Variants in LGI1 observed in about 807,000 individuals in gnomAD.
LGI1 encodes the protein leucine rich glioma inactivated 1.
Under a neutral mutation model 57.7 loss-of-function variants are expected in LGI1, and 11 were observed. That is an observed-to-expected ratio of 0.19 (90% CI 0.12 to 0.32). LGI1 has a LOEUF of 0.32. Among genes scored for constraint, LGI1 ranks in the 10% least tolerant of loss-of-function variants. LGI1 has a pLI of 1.00. For synonymous variants in LGI1, 222 were observed against 241.9 expected (o/e 0.92, Z 0.76); for missense variants, 422 against 661.9 (o/e 0.64, Z 3.98).
chr10:93,783,720 G>A (rs2059870265), intron 4 of LGI1, among the ~76,000 whole-genome samples: 2 of 152,178 alleles, frequency 1.3e-5, no homozygotes, highest in South Asian at 4.1e-4. Flanking sequence ...TCATTTAAAA[G>A]TATCTATTAG....
chr10:93,784,845 T>G, intron 4 of LGI1, among the ~76,000 whole-genome samples: 1 of 152,116 alleles, frequency 6.6e-6, no homozygotes, highest in Non-Finnish European at 1.5e-5. Context: ...CATGACACTC[T>G]AGAGGAAAGA....
Position 93,790,081 on chromosome 10 carries a change from T to TC in LGI1, c.432-18_432-17insC, listed in dbSNP as rs2059923069. 1 of 1,505,176 alleles carries TC rather than the reference T, an allele frequency of 6.6e-7. No individual in the cohort carries two copies. Among genetic ancestry groups the TC allele is most frequent in the Non-Finnish European group, 9.0e-7 (1 of 1,110,340 alleles). 93.2% of individuals were successfully genotyped at this position (1,505,176 alleles called of 1,614,324 possible). A position where few individuals can be genotyped will look rare whatever the true frequency, so the allele number is the denominator to read the frequency against. Reference sequence around the variant, plus strand: ...TTTATCACTACAGTTTACATCACCTTTTTTTTTTTTTTTCCAGGAGCCTTG... The same window carrying TC: ...TTTATCACTACAGTTTACATCACCTTCTTTTTTTTTTTTTCCAGGAGCCTTG... On this transcript the variant is annotated splice_polypyrimidine_tract_variant and intron_variant, in intron 4 of 7. Transcript: ENST00000371418.
At chr10:93,775,736 A>T (rs1443761297) in intron 2 of LGI1, among the ~76,000 whole-genome samples, 1 of 152,128 alleles carries the variant, frequency 6.6e-6, no homozygotes, top group East Asian at 1.9e-4. Context: ...CCTGCATCTG[A>T]TTTAACATAA....
At chr10:93,768,597 T>C (rs553472667) in intron 2 of LGI1, 3 of 152,096 alleles carry the variant, frequency 2.0e-5, no homozygotes, top group Non-Finnish European at 4.4e-5. Context: ...AGGAAGAGTT[T>C]CCACTGCTCT....
Position 93,777,613 on chromosome 10 carries a change from C to T in LGI1, c.427C>T (p.His143Tyr). Reference sequence around the variant, plus strand: ...TTTCCGGGGACTAAAGTCATTAATTCACTTGTAAGTATGAATGTTGCTATT... The same window carrying T: ...TTTCCGGGGACTAAAGTCATTAATTTACTTGTAAGTATGAATGTTGCTATT... ...HTFRGLKSLI[H>Y]LSLANNNLQT... is the part of the protein sequence containing the mutation. Residue 143 changes from histidine to tyrosine, a missense_variant, in exon 4 of 8, where the codon CAC becomes TAC. His to Tyr is a moderately conservative substitution (Grantham distance 83, BLOSUM62 2). Around this residue, in one of 3 missense-constraint regions of LGI1, gnomAD observed 63 missense variants for 138.4 expected, o/e 0.46. Coordinates refer to ENST00000371418, the MANE Select transcript of LGI1 (RefSeq NM_005097.4). 1 of 1,610,268 alleles carries T rather than the reference C, an allele frequency of 6.2e-7. No individual in the cohort carries two copies.
At chr10:93,772,631 A>T (rs2059752067) in intron 2 of LGI1, 1 of 152,192 alleles carries the variant, frequency 6.6e-6, no homozygotes, top group Non-Finnish European at 1.5e-5. Flanking sequence ...TTATAAATAC[A>T]TATGTGTATA....
chr10:93,762,218 C>A (rs867297159), intron 2 of LGI1, among the ~76,000 whole-genome samples: 1 of 152,174 alleles, frequency 6.6e-6, no homozygotes, highest in Admixed American at 6.5e-5. Flanking sequence ...GAAAAAATTT[C>A]TTAGTATTCC....
chr10:93,758,969 A>G lies in LGI1; in HGVS notation c.287+138A>G. 1.4e-6 allele frequency: 1 copy of G among 728,470 alleles called. No individual in the cohort carries two copies. The highest frequency in any genetic ancestry group is 1.6e-5 in the South Asian group (1 of 61,526). 45.1% of individuals were successfully genotyped at this position (728,470 alleles called of 1,614,324 possible). A position where few individuals can be genotyped will look rare whatever the true frequency, so the allele number is the denominator to read the frequency against. On this transcript the variant is annotated intron_variant, in intron 2 of 7. Coordinates refer to ENST00000371418, the MANE Select transcript of LGI1 (RefSeq NM_005097.4). This position sits in a 1 kb window ranked among gnomAD's most constrained non-coding sequence, Gnocchi z 4.7. The stretch of plus-strand genomic sequence containing the variant: ...ACAGAATATCCGTAAAGTGAGAGGT[A>G]GATGGGTTTGTTTGCGACTTCACAC...
At chr10:93,787,608 CA>C (rs2059901619) in intron 4 of LGI1, among the ~76,000 whole-genome samples, 2 of 152,114 alleles carry the variant, frequency 1.3e-5, no homozygotes, top group African/African-American at 4.8e-5. Context: ...CAGATTCACT[CA>C]TTATTTAAAA....
chr10:93,791,721 C>A (rs147442535), intron 5 of LGI1: 1 of 152,290 alleles, frequency 6.6e-6, no homozygotes, highest in African/African-American at 2.4e-5. Context: ...AGAAGCAATG[C>A]AAATACACAG....
intron 5 of LGI1, chr10:93,790,567 G>C (rs953492340): frequency 9.9e-6 from 2 of 201,250 alleles, no homozygotes; most frequent in Non-Finnish European, 2.0e-5. Context: ...AAGATGAAAG[G>C]TTACATCCTT....
At chr10:93,777,726 C>T in intron 4 of LGI1, 109 bp downstream of exon 4, 1 of 816,474 alleles carries the variant, frequency 1.2e-6, no homozygotes, top group Non-Finnish European at 2.1e-6. Flanking sequence ...ATTTAAGAAA[C>T]CCAAATGACT....
At chr10:93,791,607 T>A (rs955705477) in intron 5 of LGI1, 1 of 152,204 alleles carries the variant, frequency 6.6e-6, no homozygotes, top group East Asian at 1.9e-4. Flanking sequence ...AAAACATTTT[T>A]AAATGTTTGG....
chr10:93,776,952 CT>C (rs962590220), intron 2 of LGI1: 17 of 232,374 alleles, frequency 7.3e-5, no homozygotes, highest in South Asian at 3.1e-4. Context: ...ATGCAGCTTA[CT>C]TTTTTTTAGG....
intron 7 of LGI1, among the ~76,000 whole-genome samples, chr10:93,796,157 T>G (rs1329082637): frequency 1.3e-5 from 2 of 152,256 alleles, no homozygotes; most frequent in Non-Finnish European, 1.5e-5. Flanking sequence ...TGCCCATGGC[T>G]GCACCCTTCT....
chr10:93,788,608 G>T (rs2059909346), intron 4 of LGI1: 1 of 152,184 alleles, frequency 6.6e-6, no homozygotes, highest in Non-Finnish European at 1.5e-5. Context: ...CATGCTCTTT[G>T]TCACAATTGG....
At chr10:93,784,295 C>T (rs909442138) in intron 4 of LGI1, among the ~76,000 whole-genome samples, 3 of 152,172 alleles carry the variant, frequency 2.0e-5, no homozygotes, top group Non-Finnish European at 4.4e-5. Flanking sequence ...AACTCACTGA[C>T]CCCTAAGTAC....
At chr10:93,784,702 A>G (rs938679199) in intron 4 of LGI1, among the ~76,000 whole-genome samples, 2 of 152,176 alleles carry the variant, frequency 1.3e-5, no homozygotes, top group African/African-American at 4.8e-5. Flanking sequence ...CCTAAGAATT[A>G]AGAATTCTTA....
chr10:93,792,429 G>C (rs970068268), intron 5 of LGI1: 2 of 289,776 alleles, frequency 6.9e-6, no homozygotes, highest in Non-Finnish European at 1.3e-5. Flanking sequence ...TTTTAATGTG[G>C]CTATAGAAAA....
Sources: gnomAD v4.1 joint callset for allele counts (sites outside exome capture counted in the v4.1 genomes callset) on GRCh38, gnomAD v4.1.1 for gene constraint, gnomAD v4.1.1 regional missense constraint, Gnocchi (gnomAD v3.1) non-coding constraint, MANE v1.5 for transcripts, NCBI Gene and HGNC (gene_info 2026-07-23, HGNC 2026-07-21) for gene names.